Variants in PDE4D observed in about 807,000 individuals in gnomAD.
PDE4D encodes the protein 3',5'-cyclic-AMP phosphodiesterase 4D.
PDE4D carries 24 observed loss-of-function variants against 87.4 expected under a neutral mutation model. The ratio of observed to expected loss-of-function variants is 0.27; its 90% CI spans 0.20 to 0.39. The LOEUF is 0.39. Among genes scored for constraint, PDE4D ranks in the 10% least tolerant of loss-of-function variants. PDE4D has a pLI of 1.00. For missense variants in PDE4D, 714 were observed against 1,041.0 expected (o/e 0.69, Z 4.32); for synonymous variants, 384 against 383.2 (o/e 1.00, Z -0.02).
In PDE4D at chr5:59,066,407, C is replaced by G. The variant is rs566990697; in HGVS notation, c.809-27436G>C. On this transcript the variant is annotated intron_variant, in intron 5 of 14. Transcript: ENST00000340635. ...AGGAGTGAATAGATGGGGAGGGGAC[C>G]CAGGCAAAGAGAATAACATCAGCAA... Among the ~76,000 whole-genome samples the G allele has an allele frequency of 6.6e-4, 100 of 152,004 alleles. 1 individual carries two copies. Among genetic ancestry groups the G allele is most frequent in the Middle Eastern group, 3.4e-3 (1 of 294 alleles).
intron 1 of PDE4D, among the ~76,000 whole-genome samples, chr5:60,252,405 T>A (rs1748581735): frequency 6.6e-6 from 1 of 151,096 alleles, no homozygotes; most frequent in Non-Finnish European, 1.5e-5. Flanking sequence ...TTTACTTTTT[T>A]TTTTTTTTTT....
At chr5:59,291,289 A>G (rs1263086603) in intron 1 of PDE4D, among the ~76,000 whole-genome samples, 1 of 152,126 alleles carries the variant, frequency 6.6e-6, no homozygotes, top group East Asian at 1.9e-4. Context: ...AACAATACGG[A>G]TGGAAGTGGA....
chr5:60,413,067 C>G (rs1413271489), intron 1 of PDE4D, among the ~76,000 whole-genome samples: 1 of 152,154 alleles, frequency 6.6e-6, no homozygotes, highest in Non-Finnish European at 1.5e-5. Context: ...ATTCATTTAA[C>G]TAAGCTATTT....
At chr5:59,099,186 C>T (rs567347451) in intron 5 of PDE4D, among the ~76,000 whole-genome samples, 7 of 152,152 alleles carry the variant, frequency 4.6e-5, no homozygotes, top group Non-Finnish European at 1.0e-4. Flanking sequence ...TTGGTCTAAT[C>T]CCTTACTTAC....
chr5:60,377,325 T>C (rs1761510340), intron 1 of PDE4D, among the ~76,000 whole-genome samples: 1 of 152,128 alleles, frequency 6.6e-6, no homozygotes, highest in South Asian at 2.1e-4. Flanking sequence ...CCAGAATAAA[T>C]GAATAAACAA....
chr5:59,317,886 C>T (rs1362614094), intron 1 of PDE4D, among the ~76,000 whole-genome samples: 1 of 152,166 alleles, frequency 6.6e-6, no homozygotes, highest in East Asian at 1.9e-4. Context: ...TTCAGGCCCT[C>T]TGTTACGATG....
At chr5:60,459,264 G>A (rs1746731788) in intron 1 of PDE4D, among the ~76,000 whole-genome samples, 1 of 152,126 alleles carries the variant, frequency 6.6e-6, no homozygotes, top group Admixed American at 6.6e-5. Context: ...CTACAAAGAT[G>A]CCTGTTAAAT....
intron 1 of PDE4D, among the ~76,000 whole-genome samples, chr5:59,816,802 T>C (rs1289225120): frequency 6.6e-6 from 1 of 152,140 alleles, no homozygotes; most frequent in Non-Finnish European, 1.5e-5. Flanking sequence ...CCTCCCCTCC[T>C]ACATGAAGGC....
chr5:60,079,920 A>G (rs775539899), intron 2 of PDE4D, among the ~76,000 whole-genome samples: 2 of 152,174 alleles, frequency 1.3e-5, no homozygotes, highest in East Asian at 1.9e-4. Flanking sequence ...AAGAATGTCA[A>G]TGATAGTTTG....
chr5:60,250,976 C>G (rs916032269), intron 1 of PDE4D, among the ~76,000 whole-genome samples: 5 of 151,406 alleles, frequency 3.3e-5, no homozygotes, highest in African/African-American at 1.2e-4. Flanking sequence ...TCTATGTAGG[C>G]CTAGACTAAT....
chr5:59,180,382 G>C (rs1299586456), intron 5 of PDE4D: 2 of 703,520 alleles, frequency 2.8e-6, no homozygotes, highest in South Asian at 3.0e-5. Flanking sequence ...TAAAAATAAT[G>C]TACATCAGTA....
intron 1 of PDE4D, among the ~76,000 whole-genome samples, chr5:60,206,744 T>A (rs943811505): frequency 2.0e-5 from 3 of 152,238 alleles, no homozygotes; most frequent in Non-Finnish European, 2.9e-5. Flanking sequence ...ATAGCAGGAC[T>A]CATACCTATA....
chr5:60,013,939 A>G (rs935696209), intron 2 of PDE4D, among the ~76,000 whole-genome samples: 39 of 152,068 alleles, frequency 2.6e-4, no homozygotes, highest in African/African-American at 8.4e-4. Context: ...TAAAAAATAC[A>G]AAAATTAGCT....
At chr5:60,429,764 T>C (rs1040159096) in intron 1 of PDE4D, 4 of 280,282 alleles carry the variant, frequency 1.4e-5, no homozygotes, top group Non-Finnish European at 2.8e-5. Context: ...TGAATCACAT[T>C]TATTGATTTG....
chr5:60,245,133 T>C (rs377544510), intron 1 of PDE4D, among the ~76,000 whole-genome samples: 14 of 150,692 alleles, frequency 9.3e-5, no homozygotes, highest in African/African-American at 3.2e-4. Flanking sequence ...GGTGAAAGAG[T>C]TGAGTAAAAA....
intron 1 of PDE4D, among the ~76,000 whole-genome samples, chr5:59,408,567 G>A (rs6869578): frequency 0.17 from 26,164 of 152,112 alleles, 3,040 homozygotes; most frequent in African/African-American, 0.32. Context: ...TGTTCTGTGG[G>A]TCCCAGAATG....
At position 59,446,185 on chromosome 5, in the gene PDE4D, T is replaced by C. The variant is rs540663120; in HGVS notation, c.456-230217A>G. On this transcript the variant is annotated intron_variant, in intron 1 of 14. Coordinates refer to ENST00000340635, the MANE Select transcript of PDE4D (RefSeq NM_001104631.2). ...ATACAATCTTTTATGTATAAAAATA[T>C]ATAGACAAATATCAATGGATCATTT... is the stretch of plus-strand genomic sequence containing the variant. Among the ~76,000 whole-genome samples the C allele has an allele frequency of 3.2e-4, 48 of 152,268 alleles. 1 individual carries two copies. The Middle Eastern group carries it at 0.034, about 108-fold the overall frequency.
At chr5:60,096,001 T>C (rs1159683356) in intron 2 of PDE4D, among the ~76,000 whole-genome samples, 4 of 152,296 alleles carry the variant, frequency 2.6e-5, no homozygotes, top group Non-Finnish European at 5.9e-5. Context: ...TAGCCCTTTG[T>C]CAGATGGATA....
At chr5:59,574,717 C>T (rs1822843730) in intron 1 of PDE4D, among the ~76,000 whole-genome samples, 1 of 152,088 alleles carries the variant, frequency 6.6e-6, no homozygotes, top group African/African-American at 2.4e-5. Flanking sequence ...ATTACTTTCC[C>T]CCCAACAAAG....
Sources: gnomAD v4.1 joint callset for allele counts (sites outside exome capture counted in the v4.1 genomes callset) on GRCh38, gnomAD v4.1.1 for gene constraint, MANE v1.5 for transcripts, NCBI Gene and HGNC (gene_info 2026-07-23, HGNC 2026-07-21) for gene names.